ZCCHC7: variants seen among roughly 807,000 people sequenced by gnomAD.
The protein encoded by ZCCHC7 is zinc finger CCHC-type containing 7.
In ZCCHC7, 35 loss-of-function variants were observed where a neutral mutation model predicts 52.0. That is an observed-to-expected ratio of 0.67 (90% CI 0.51 to 0.89). The LOEUF (loss-of-function observed/expected upper bound fraction) is 0.89, where lower values mean the gene tolerates loss of function less well. Ranked by LOEUF, ZCCHC7 falls within the 40% of genes least tolerant of loss-of-function variation. ZCCHC7 has a pLI of 0.00. For synonymous variants in ZCCHC7, 217 were observed against 221.5 expected (o/e 0.98, Z 0.18); for missense variants, 574 against 649.1 (o/e 0.88, Z 1.26).
In ZCCHC7 at chr9:37,354,209, G is replaced by T. The variant is rs765248714; in HGVS notation, c.1084-501G>T. 6.6e-6 allele frequency among the ~76,000 whole-genome samples: 1 copy of T among 152,234 alleles called. No individual in the cohort carries two copies. Reference sequence around the variant, plus strand: ...CCGTTAAGAATCACTACCCCTATAAGCAGTGAATGTTGAGTTAAAATAAGC... The same window carrying T: ...CCGTTAAGAATCACTACCCCTATAATCAGTGAATGTTGAGTTAAAATAAGC... On this transcript the variant is annotated intron_variant, in intron 7 of 8. Transcript: ENST00000336755. The surrounding 1 kb of genome is among the most constrained non-coding windows in gnomAD (Gnocchi z 4.0).
intron 6 of ZCCHC7, among the ~76,000 whole-genome samples, chr9:37,330,665 T>C (rs1407310742): frequency 1.3e-5 from 2 of 151,746 alleles, no homozygotes; most frequent in Non-Finnish European, 3.0e-5. Context: ...AGCTAAAATA[T>C]AACTTCTTGT....
intron 2 of ZCCHC7, among the ~76,000 whole-genome samples, chr9:37,178,409 C>CA (rs34269738): frequency 0.55 from 42,625 of 77,542 alleles, 12,147 homozygotes; most frequent in African/African-American, 0.7. Context: ...TACCCCCCAC[C>CA]AAAAAAAAAA....
Position 37,164,642 on chromosome 9 carries a change from C to G in ZCCHC7, c.610+37700C>G, listed in dbSNP as rs1821320750. 3.3e-5 allele frequency among the ~76,000 whole-genome samples: 5 copies of G among 152,124 alleles called. No homozygotes were observed. In the South Asian group the frequency reaches 1.0e-3, roughly 32 times the overall value. ...TATTGCCCAGGCTGGAGTACATTGG[C>G]ATGATCATGGCTTACTGCAGCCTTG... is the stretch of plus-strand genomic sequence containing the variant. On this transcript the variant is annotated intron_variant, in intron 2 of 8. Transcript: ENST00000336755.
At chr9:37,129,407 A>G (rs549110953) in intron 2 of ZCCHC7, among the ~76,000 whole-genome samples, 1 of 152,330 alleles carries the variant, frequency 6.6e-6, no homozygotes, top group South Asian at 2.1e-4. Context: ...TCAAATATAT[A>G]TTCTCCATTT....
At chr9:37,228,401 G>A (rs78311077) in intron 2 of ZCCHC7, among the ~76,000 whole-genome samples, 1 of 144,398 alleles carries the variant, frequency 6.9e-6, no homozygotes, top group Non-Finnish European at 1.5e-5. Flanking sequence ...TTTTTTTTTT[G>A]AGACAGGGTC....
chr9:37,355,811 A>T (rs1440407830), intron 8 of ZCCHC7, among the ~76,000 whole-genome samples: 1 of 152,068 alleles, frequency 6.6e-6, no homozygotes, highest in Non-Finnish European at 1.5e-5. Context: ...CGTAGTTCAA[A>T]CTCATTGTGC....
At chr9:37,237,955 T>A (rs1825728522) in intron 2 of ZCCHC7, among the ~76,000 whole-genome samples, 1 of 152,222 alleles carries the variant, frequency 6.6e-6, no homozygotes, top group African/African-American at 2.4e-5. Context: ...TTCCCGTTGT[T>A]ATTTCATTTT....
chr9:37,333,186 C>T (rs1350957765), intron 6 of ZCCHC7, among the ~76,000 whole-genome samples: 1 of 151,480 alleles, frequency 6.6e-6, no homozygotes, highest in Non-Finnish European at 1.5e-5. Context: ...TTAAGTGTTT[C>T]AGATAATGAA....
chr9:37,259,287 A>T (rs1826748974), intron 2 of ZCCHC7, among the ~76,000 whole-genome samples: 1 of 152,172 alleles, frequency 6.6e-6, no homozygotes, highest in Non-Finnish European at 1.5e-5. Flanking sequence ...ATTCAAAATT[A>T]TGTTTGTGGG....
intron 2 of ZCCHC7, among the ~76,000 whole-genome samples, chr9:37,191,978 A>G (rs1026904968): frequency 6.6e-6 from 1 of 152,264 alleles, no homozygotes; most frequent in Non-Finnish European, 1.5e-5. Context: ...AGTTAAATGC[A>G]AAAGTGTTAT....
intron 5 of ZCCHC7, among the ~76,000 whole-genome samples, chr9:37,318,839 A>C (rs939919874): frequency 6.6e-6 from 1 of 151,644 alleles, no homozygotes; most frequent in African/African-American, 2.4e-5. Context: ...GAAGTGGGAG[A>C]ATCACAAGTC....
At chr9:37,213,613 GT>G (rs1824353441) in intron 2 of ZCCHC7, among the ~76,000 whole-genome samples, 1 of 152,084 alleles carries the variant, frequency 6.6e-6, no homozygotes, top group Admixed American at 6.6e-5. Context: ...TTGAGTAAAT[GT>G]TTTAGATTCA....
At chr9:37,337,059 C>G (rs2118392481) in intron 6 of ZCCHC7, among the ~76,000 whole-genome samples, 1 of 152,256 alleles carries the variant, frequency 6.6e-6, no homozygotes, top group South Asian at 2.1e-4. Context: ...ATTTAGAGGG[C>G]ACAAAGCCTG....
intron 2 of ZCCHC7, among the ~76,000 whole-genome samples, chr9:37,189,689 ATT>A (rs370786550): frequency 8.9e-4 from 132 of 148,388 alleles, no homozygotes; most frequent in South Asian, 1.5e-3. Flanking sequence ...CGCCCAGCTG[ATT>A]TTTTTTTTTA....
chr9:37,293,147 A>G (rs1312847565), intron 2 of ZCCHC7, among the ~76,000 whole-genome samples: 1 of 152,222 alleles, frequency 6.6e-6, no homozygotes, highest in Non-Finnish European at 1.5e-5. Flanking sequence ...TGAATGTAAT[A>G]TAAACATTTG....
At chr9:37,135,092 C>T (rs139233549) in intron 2 of ZCCHC7, among the ~76,000 whole-genome samples, 3,853 of 152,142 alleles carry the variant, frequency 0.025, 74 homozygotes, top group Middle Eastern at 0.048. Flanking sequence ...TTCTCTTAGC[C>T]GTATATCCTG....
In ZCCHC7 at chr9:37,298,231, AGTTCCACAAATG is replaced by A. The variant is rs573401386; in HGVS notation, c.611-3955_611-3944del. Among the ~76,000 whole-genome samples the A allele has an allele frequency of 1.7e-3, 263 of 152,364 alleles. 3 individuals carry two copies. Among genetic ancestry groups the A allele is most frequent in the Non-Finnish European group, 1.4e-3 (98 of 68,026 alleles). Reference sequence around the variant, plus strand: ...GTATGTGTAATAAAGATAGCAGAATAGTTCCACAAATGGGGGCAAAGTGTAAAAAAATAGACT... The same window carrying A: ...GTATGTGTAATAAAGATAGCAGAATAGGGGCAAAGTGTAAAAAAATAGACT... On this transcript the variant is annotated intron_variant, in intron 2 of 8. Coordinates refer to ENST00000336755, the MANE Select transcript of ZCCHC7 (RefSeq NM_032226.3).
intron 6 of ZCCHC7, among the ~76,000 whole-genome samples, chr9:37,341,249 T>C (rs527598916): frequency 1.3e-5 from 2 of 152,316 alleles, no homozygotes; most frequent in Non-Finnish European, 2.9e-5. Context: ...ATTAATTTAT[T>C]CAAGCTTTTT....
At chr9:37,292,133 GAAT>G (rs1828567607) in intron 2 of ZCCHC7, among the ~76,000 whole-genome samples, 1 of 152,140 alleles carries the variant, frequency 6.6e-6, no homozygotes, top group African/African-American at 2.4e-5. Context: ...TATGTTTATG[GAAT>G]AATATGCGTT....
Sources: gnomAD v4.1 joint callset for allele counts (sites outside exome capture counted in the v4.1 genomes callset) on GRCh38, gnomAD v4.1.1 for gene constraint, Gnocchi (gnomAD v3.1) non-coding constraint, MANE v1.5 for transcripts, NCBI Gene and HGNC (gene_info 2026-07-23, HGNC 2026-07-21) for gene names.